CREB3L3: variants seen among roughly 807,000 people sequenced by gnomAD.
CREB3L3 encodes the protein cAMP responsive element binding protein 3 like 3, also known as cyclic AMP-responsive element-binding protein 3-like protein 3.
Under a neutral mutation model 44.6 loss-of-function variants are expected in CREB3L3, and 40 were observed. The observed-to-expected ratio is 0.90, with a 90% confidence interval of 0.70 to 1.17. CREB3L3 has a LOEUF of 1.17. Ranked by LOEUF, CREB3L3 falls within the 50% of genes most tolerant of loss-of-function variation. CREB3L3 has a pLI of 0.00. For synonymous variants in CREB3L3, 273 were observed against 256.3 expected (o/e 1.06, Z -0.62); for missense variants, 578 against 595.8 (o/e 0.97, Z 0.31).
intron 4 of CREB3L3, among the ~76,000 whole-genome samples, chr19:4,163,464 AG>A (rs1382711384): frequency 9.2e-5 from 14 of 152,304 alleles, no homozygotes; most frequent in African/African-American, 3.4e-4. Context: ...ACCCGGTCAA[AG>A]GACCGTGTGT....
chr19:4,159,914 G>A, intron 4 of CREB3L3, 132 bp downstream of exon 4: 1 of 679,404 alleles, frequency 1.5e-6, no homozygotes, highest in Admixed American at 2.0e-5. Flanking sequence ...CCCACAGTTA[G>A]AGACCATTCC....
chr19:4,156,838 G>A (rs527396690), intron 2 of CREB3L3, among the ~76,000 whole-genome samples, 157 bp from the exon 3 acceptor site: 2 of 150,414 alleles, frequency 1.3e-5, no homozygotes, highest in Admixed American at 6.7e-5. Flanking sequence ...CTGCGTTTGA[G>A]CCTCAGCAGC....
At chr19:4,154,866 A>T in intron 1 of CREB3L3, 33 bp from the exon 2 acceptor site, 2 of 1,613,458 alleles carry the variant, frequency 1.2e-6, no homozygotes, top group Non-Finnish European at 1.7e-6. Flanking sequence ...CAGGGGCTGT[A>T]TGTGACCCTC....
At chr19:4,160,005 G>C (rs1437195935) in intron 4 of CREB3L3, among the ~76,000 whole-genome samples, 2 of 152,022 alleles carry the variant, frequency 1.3e-5, no homozygotes, top group African/African-American at 2.4e-5. Flanking sequence ...ACAACTAAAA[G>C]CTAAAACTGG....
rs1966966399 is a variant in CREB3L3, at chr19:4,168,254, C to T, written c.715-97C>T. On this transcript the variant is annotated intron_variant, in intron 5 of 9. Coordinates refer to ENST00000078445, the MANE Select transcript of CREB3L3 (RefSeq NM_032607.3). Reference sequence around the variant, plus strand: ...CCTCAGGTGATACGCCTGCCTCGGCCTCCCAAAGTGCTGGGATTACAGGCG... The same window carrying T: ...CCTCAGGTGATACGCCTGCCTCGGCTTCCCAAAGTGCTGGGATTACAGGCG... 7 of 882,136 alleles carry T rather than the reference C, an allele frequency of 7.9e-6. No individual in the cohort carries two copies. The Admixed American group carries it at 9.0e-5, about 11-fold the overall frequency. 54.6% of individuals were successfully genotyped at this position (882,136 alleles called of 1,614,324 possible). A position where few individuals can be genotyped will look rare whatever the true frequency, so the allele number is the denominator to read the frequency against.
Position 4,171,803 on chromosome 19 carries a change from A to G in CREB3L3, c.1220A>G (p.Asp407Gly), listed in dbSNP as rs149442054. 2.3e-5 allele frequency: 37 copies of G among 1,613,446 alleles called. 1 individual carries two copies. The African/African-American group carries it at 4.0e-4, about 17-fold the overall frequency. The change falls in exon 10 of 10, where the codon GAC (aspartate) becomes GGC (glycine). Residue 407 changes from aspartate (D) to glycine (G), a missense_variant. By Grantham distance (94) the Asp-to-Gly change is moderately conservative (BLOSUM62 -1). Coordinates refer to ENST00000078445, the MANE Select transcript of CREB3L3 (RefSeq NM_032607.3). The surrounding 1 kb of genome is among the most constrained non-coding windows in gnomAD (Gnocchi z 4.9). ...CCCGGGGCAGACTGGGGCTTCCAGG[A>G]CACCGCGAACCTGACCAATTCGACG... is the stretch of plus-strand genomic sequence containing the variant. ...GSPGADWGFQDTANLTNSTEE... is the reference protein window; with the variant it reads ...GSPGADWGFQGTANLTNSTEE...
intron 4 of CREB3L3, among the ~76,000 whole-genome samples, chr19:4,160,381 G>C (rs890898428): frequency 1.1e-4 from 17 of 151,394 alleles, no homozygotes; most frequent in African/African-American, 4.1e-4. Flanking sequence ...TCTTAAAAAA[G>C]TTTTTTTTGA....
intron 6 of CREB3L3, among the ~76,000 whole-genome samples, chr19:4,169,584 CTTTTTTTT>C (rs34259250): frequency 1.1e-5 from 1 of 95,140 alleles, no homozygotes; most frequent in African/African-American, 4.4e-5. Context: ...GGAGGCTCAG[CTTTTTTTT>C]TTTTTTTTTT....
intron 5 of CREB3L3, among the ~76,000 whole-genome samples, chr19:4,168,053 C>A (rs1966958847): frequency 6.6e-6 from 1 of 151,504 alleles, no homozygotes. Context: ...GGCTGGATTG[C>A]AATGGCACGA....
rs144785273 is a variant in CREB3L3, at chr19:4,171,808, G to A, written c.1225G>A (p.Ala409Thr). Reference protein sequence around the residue: ...PGADWGFQDTANLTNSTEELD... With the variant: ...PGADWGFQDTTNLTNSTEELD... ...GGCAGACTGGGGCTTCCAGGACACCGCGAACCTGACCAATTCGACGGAGGA... is the reference window on the plus strand; with the variant it reads ...GGCAGACTGGGGCTTCCAGGACACCACGAACCTGACCAATTCGACGGAGGA... The change falls in exon 10 of 10, where the codon GCG becomes ACG. Residue 409 changes from alanine to threonine, a missense_variant. Transcript: ENST00000078445. The surrounding 1 kb of genome is among the most constrained non-coding windows in gnomAD (Gnocchi z 4.9). 411 of 1,613,620 alleles carry A rather than the reference G, an allele frequency of 2.5e-4. 1 individual carries two copies. In the African/African-American group the frequency reaches 4.4e-3, roughly 17 times the overall value.
rs2145146619 is a variant in CREB3L3 at position 4,171,915 on chromosome 19, G to C, written c.1332G>C (p.Gly444=). Residue 444 remains glycine (G), a synonymous_variant, in exon 10 of 10, where the codon GGG becomes GGC. Transcript: ENST00000078445. This position sits in a 1 kb window ranked among gnomAD's most constrained non-coding sequence, Gnocchi z 4.9. ...CCCTGCTGGACTGGGTGGCGCCTGG[G>C]CCGAGCACTGGCTCAGGACGTGCAG... ...QVALLDWVAP[G]PSTGSGRAGL... The C allele has an allele frequency of 6.2e-7, 1 of 1,611,838 alleles. No homozygotes were observed. The highest frequency in any genetic ancestry group is 1.3e-5 in the African/African-American group (1 of 75,038).
intron 6 of CREB3L3, among the ~76,000 whole-genome samples, chr19:4,169,584 CTTTTTTTTT>C (rs34259250): frequency 2.1e-5 from 2 of 95,140 alleles, no homozygotes; most frequent in South Asian, 3.7e-4. Context: ...GGAGGCTCAG[CTTTTTTTTT>C]TTTTTTTTTT....
chr19:4,168,097 C>T (rs1036298329), intron 5 of CREB3L3, among the ~76,000 whole-genome samples: 1 of 151,842 alleles, frequency 6.6e-6, no homozygotes, highest in Admixed American at 6.6e-5. Flanking sequence ...CTCCCGGGTT[C>T]ATGCCATTCT....
intron 2 of CREB3L3, among the ~76,000 whole-genome samples, chr19:4,156,450 G>A (rs537286281): frequency 5.3e-5 from 8 of 151,448 alleles, no homozygotes; most frequent in Non-Finnish European, 7.4e-5. Flanking sequence ...GCCTCCCAAA[G>A]TGCTGGGATT....
Position 4,157,314 on chromosome 19 carries a change from C to T in CREB3L3, c.457+19C>T, listed in dbSNP as rs1005049518. ...GACCTGGGTGAGTCCTGCTGTGTCT[C>T]TGCCCACCGCCCTCACCTTGTTCCA... On this transcript the variant is annotated intron_variant, in intron 3 of 9. Transcript: ENST00000078445. The T allele has an allele frequency of 1.9e-6, 3 of 1,613,340 alleles. No individual in the cohort carries two copies. The African/African-American group carries it at 4.0e-5, about 22-fold the overall frequency.
At position 4,164,536 on chromosome 19, in the gene CREB3L3, C is replaced by A. The variant is rs376781216; in HGVS notation, c.610C>A (p.Arg204=). Reference sequence around the variant, plus strand: ...TCACCTGGGGGCCTCCTACCTCCTGCGACCTGGGGCTGGGCACTGTCAGGA... The same window carrying A: ...TCACCTGGGGGCCTCCTACCTCCTGAGACCTGGGGCTGGGCACTGTCAGGA... ...QHHLGASYLL[R]PGAGHCQELV... Residue 204 remains arginine (R), a synonymous_variant, in exon 5 of 10, where the codon CGA becomes AGA. Coordinates refer to ENST00000078445, the MANE Select transcript of CREB3L3 (RefSeq NM_032607.3). 6.2e-7 allele frequency: 1 copy of A among 1,613,944 alleles called. No individual in the cohort carries two copies. Among genetic ancestry groups the A allele is most frequent in the Admixed American group, 1.7e-5 (1 of 59,978 alleles).
At chr19:4,156,506 C>CTTTTTTTT (rs1019504419) in intron 2 of CREB3L3, among the ~76,000 whole-genome samples, 6 of 121,726 alleles carry the variant, frequency 4.9e-5, no homozygotes, top group Admixed American at 8.7e-5. Context: ...TTCTTTTTTT[C>CTTTTTTTT]TTTTTTTTTT....
chr19:4,164,323 G>A (rs766575020), intron 4 of CREB3L3, 180 bp from the exon 5 acceptor site: 5 of 733,856 alleles, frequency 6.8e-6, no homozygotes, highest in Admixed American at 4.1e-5. Context: ...ACCCAGGCTG[G>A]TCTCGATCTC....
At chr19:4,163,290 A>G (rs943022031) in intron 4 of CREB3L3, among the ~76,000 whole-genome samples, 3 of 151,890 alleles carry the variant, frequency 2.0e-5, no homozygotes, top group Non-Finnish European at 2.9e-5. Context: ...CCTGGGCGAC[A>G]GAGCGAGACT....
Sources: gnomAD v4.1 joint callset for allele counts (sites outside exome capture counted in the v4.1 genomes callset) on GRCh38, gnomAD v4.1.1 for gene constraint, Gnocchi (gnomAD v3.1) non-coding constraint, MANE v1.5 for transcripts, NCBI Gene and HGNC (gene_info 2026-07-23, HGNC 2026-07-21) for gene names.